LIPK: variants seen among roughly 807,000 people sequenced by gnomAD.
LIPK encodes the protein lipase member K.
Under a neutral mutation model 48.6 loss-of-function variants are expected in LIPK, and 32 were observed. The ratio of observed to expected loss-of-function variants is 0.66; its 90% CI spans 0.50 to 0.88. The LOEUF (loss-of-function observed/expected upper bound fraction) is 0.88. Among genes scored for constraint, LIPK ranks in the 40% least tolerant of loss-of-function variants. The probability of loss-of-function intolerance (pLI) is 0.00; values close to 1 mark genes in which losing one functional copy is unlikely to be tolerated. For missense variants in LIPK, 507 were observed against 478.5 expected (o/e 1.06, Z -0.56); for synonymous variants, 164 against 157.4 (o/e 1.04, Z -0.32).
At chr10:88,724,681 T>C in intron 2 of LIPK, 33 bp downstream of exon 2, 1 of 1,426,556 alleles carries the variant, frequency 7.0e-7, no homozygotes, top group Non-Finnish European at 9.5e-7. Context: ...AATGCTAAAA[T>C]AAGGAATTAT....
In LIPK at chr10:88,730,996, T is replaced by G. The variant is rs1842453591; in HGVS notation, c.237T>G (p.Ala79=). 6.3e-7 allele frequency: 1 copy of G among 1,583,784 alleles called. No individual in the cohort carries two copies. The highest frequency in any genetic ancestry group is 1.8e-5 in the Admixed American group (1 of 54,856). Residue 79 remains alanine (A), a synonymous_variant, in exon 4 of 10, where the codon GCT becomes GCG. Coordinates refer to ENST00000404190, the MANE Select transcript of LIPK (RefSeq NM_001080518.2). Reference sequence around the variant, plus strand: ...TGTGTTTTGCAGCTCCAAAGCCTGCTGTGTATTTGCAGCATGGCTTAATTG... The same window carrying G: ...TGTGTTTTGCAGCTCCAAAGCCTGCGGTGTATTTGCAGCATGGCTTAATTG... ...GCPGRTAPKP[A]VYLQHGLIAS...
intron 1 of LIPK, among the ~76,000 whole-genome samples, chr10:88,713,339 T>C (rs1249711432): frequency 6.6e-6 from 1 of 152,234 alleles, no homozygotes; most frequent in East Asian, 1.9e-4. Context: ...TGTTATTATA[T>C]GTGATAGATA....
chr10:88,730,298 A>G (rs766148632), intron 3 of LIPK, among the ~76,000 whole-genome samples: 19 of 151,742 alleles, frequency 1.3e-4, no homozygotes, highest in Admixed American at 1.3e-4. Context: ...GTTTTGTTTT[A>G]TTTTGTTTTG....
chr10:88,735,304 C>T (rs1842549225), intron 6 of LIPK, among the ~76,000 whole-genome samples: 1 of 152,174 alleles, frequency 6.6e-6, no homozygotes, highest in African/African-American at 2.4e-5. Flanking sequence ...TACTTTCTTT[C>T]TGACCTATAG....
At chr10:88,737,847 C>T in intron 7 of LIPK, 66 bp downstream of exon 7, 4 of 1,548,562 alleles carry the variant, frequency 2.6e-6, no homozygotes, top group Non-Finnish European at 3.5e-6. Flanking sequence ...GAAAGTTATC[C>T]TGGATTGTAT....
intron 9 of LIPK, among the ~76,000 whole-genome samples, chr10:88,750,166 G>T (rs1402729023): frequency 6.6e-6 from 1 of 152,170 alleles, no homozygotes; most frequent in Non-Finnish European, 1.5e-5. Context: ...ACAGATGCTG[G>T]TGAGGTTGTG....
rs1842600273 is a variant in LIPK at position 88,737,663 on chromosome 10, C to T, written c.698C>T (p.Pro233Leu). The change falls in exon 7 of 10, where the codon CCT becomes CTT. Residue 233 changes from proline to leucine, a missense_variant. By Grantham distance (98) the Pro-to-Leu change is moderately conservative (BLOSUM62 -3). Coordinates refer to ENST00000404190, the MANE Select transcript of LIPK (RefSeq NM_001080518.2). ...TTGTTTGGTGACAAAATGTTCCACCCTCATACATTGTTTGACCAATTCATT... is the reference window on the plus strand; with the variant it reads ...TTGTTTGGTGACAAAATGTTCCACCTTCATACATTGTTTGACCAATTCATT... ...KVLFGDKMFH[P>L]HTLFDQFIAT... 2 of 1,613,802 alleles carry T rather than the reference C, an allele frequency of 1.2e-6. No homozygotes were observed. Among genetic ancestry groups the T allele is most frequent in the Non-Finnish European group, 1.7e-6 (2 of 1,179,750 alleles).
At chr10:88,750,373 A>G (rs1325138397) in intron 9 of LIPK, among the ~76,000 whole-genome samples, 1 of 152,216 alleles carries the variant, frequency 6.6e-6, no homozygotes, top group African/African-American at 2.4e-5. Context: ...TTGTGCACCT[A>G]TTCACAATAG....
chr10:88,729,774 G>T (rs1842428171), intron 3 of LIPK, among the ~76,000 whole-genome samples: 4 of 152,134 alleles, frequency 2.6e-5, no homozygotes, highest in Admixed American at 6.5e-5. Flanking sequence ...GGTCCCGATG[G>T]CTGAAGGCTC....
chr10:88,745,519 A>G (rs188221968), intron 9 of LIPK, among the ~76,000 whole-genome samples: 1 of 152,244 alleles, frequency 6.6e-6, no homozygotes, highest in Non-Finnish European at 1.5e-5. Context: ...AGAATTTCAC[A>G]TACAGACAAA....
At chr10:88,721,216 C>T (rs1250573260) in intron 1 of LIPK, among the ~76,000 whole-genome samples, 5 of 151,910 alleles carry the variant, frequency 3.3e-5, no homozygotes, top group African/African-American at 1.2e-4. Flanking sequence ...AGCAGAATGT[C>T]GATGTGGGAC....
intron 1 of LIPK, among the ~76,000 whole-genome samples, chr10:88,716,909 A>G (rs1193571752): frequency 6.6e-6 from 1 of 151,976 alleles, no homozygotes; most frequent in Admixed American, 6.6e-5. Context: ...AAAGTATGTG[A>G]TTAGTGAGAG....
rs897819161 is a variant in LIPK at position 88,715,190 on chromosome 10, A to G, written c.-12+8870A>G. The stretch of plus-strand genomic sequence containing the variant: ...CTGTTCAGGTTTTCTATATTTCTAT[A>G]TTATTTCTGTCTAATTTTTCTGCCA... On this transcript the variant is annotated intron_variant, in intron 1 of 9. Transcript: ENST00000404190. Among the ~76,000 whole-genome samples the G allele has an allele frequency of 1.4e-4, 21 of 152,168 alleles. No homozygotes were observed. In the Middle Eastern group the frequency reaches 0.01, roughly 74 times the overall value.
intron 1 of LIPK, among the ~76,000 whole-genome samples, chr10:88,713,850 A>C (rs1842067639): frequency 6.6e-6 from 1 of 151,912 alleles, no homozygotes; most frequent in Non-Finnish European, 1.5e-5. Context: ...CAGAGGCAGG[A>C]GAATCACTTG....
chr10:88,724,771 C>G, intron 2 of LIPK, 123 bp downstream of exon 2: 1 of 649,810 alleles, frequency 1.5e-6, no homozygotes, highest in South Asian at 2.1e-5. Flanking sequence ...TCTGTGCTTC[C>G]TCTCCTGTTT....
chr10:88,727,845 T>C (rs913447736), intron 3 of LIPK: 23 of 362,928 alleles, frequency 6.3e-5, no homozygotes, highest in Admixed American at 1.2e-4. Flanking sequence ...GCCTCCTTCA[T>C]TGACAAAGTG....
intron 6 of LIPK, among the ~76,000 whole-genome samples, chr10:88,736,656 A>G (rs1842577846): frequency 6.6e-6 from 1 of 152,206 alleles, no homozygotes; most frequent in Non-Finnish European, 1.5e-5. Context: ...AAACAAATCC[A>G]TGTGAAAGAA....
intron 3 of LIPK, chr10:88,728,473 G>T: frequency 4.8e-6 from 1 of 209,888 alleles, no homozygotes; most frequent in South Asian, 6.0e-5. Context: ...TCAAAGGCCA[G>T]AGAACGCAGA....
intron 6 of LIPK, among the ~76,000 whole-genome samples, chr10:88,732,756 C>A (rs1842494309): frequency 6.6e-6 from 1 of 152,224 alleles, no homozygotes; most frequent in Non-Finnish European, 1.5e-5. Context: ...CTACTTTCTT[C>A]ATCTATGTCT....
Sources: allele counts gnomAD v4.1 joint callset (sites outside exome capture counted in the v4.1 genomes callset), GRCh38; gene constraint gnomAD v4.1.1; transcripts MANE v1.5; gene names NCBI Gene and HGNC (gene_info 2026-07-23, HGNC 2026-07-21).